The following AKT3 variants were observed in gnomAD, a reference collection of about 807,000 sequenced individuals.
The protein encoded by AKT3 is RAC-gamma serine/threonine-protein kinase.
In AKT3, 15 loss-of-function variants were observed where a neutral mutation model predicts 65.3. The ratio of observed to expected loss-of-function variants is 0.23; its 90% CI spans 0.15 to 0.35. The LOEUF (loss-of-function observed/expected upper bound fraction) is 0.35, where lower values mean the gene tolerates loss of function less well. Ranked by LOEUF, AKT3 falls within the 10% of genes least tolerant of loss-of-function variation. The pLI, the probability that AKT3 is intolerant of heterozygous loss-of-function variation, is 1.00. For missense variants in AKT3, 243 were observed against 576.5 expected (o/e 0.42, Z 5.92); for synonymous variants, 206 against 183.8 (o/e 1.12, Z -0.98).
At chr1:243,632,952 G>T (rs1467371712) in intron 6 of AKT3, among the ~76,000 whole-genome samples, 1 of 152,118 alleles carries the variant, frequency 6.6e-6, no homozygotes, top group Non-Finnish European at 1.5e-5. Flanking sequence ...TGTTGCAGCT[G>T]GTTTGAACTT....
intron 3 of AKT3, 72 bp from the exon 4 acceptor site, chr1:243,664,955 A>T: frequency 1.7e-5 from 14 of 826,710 alleles, no homozygotes; most frequent in Non-Finnish European, 2.3e-5. Context: ...TGAGAACTAC[A>T]GAGTTCTATT....
chr1:243,713,299 A>G (rs1429420591), intron 2 of AKT3, among the ~76,000 whole-genome samples: 1 of 152,176 alleles, frequency 6.6e-6, no homozygotes, highest in Non-Finnish European at 1.5e-5. Context: ...CCATTTAAAG[A>G]AGTTGCTTTC....
intron 5 of AKT3, 77 bp from the exon 6 acceptor site, chr1:243,637,819 C>A: frequency 9.3e-7 from 1 of 1,074,628 alleles, no homozygotes. Flanking sequence ...TATGTGTTTG[C>A]AATATCCACT....
intron 8 of AKT3, among the ~76,000 whole-genome samples, chr1:243,581,766 C>G (rs942821742): frequency 6.6e-6 from 1 of 151,608 alleles, no homozygotes; most frequent in Non-Finnish European, 1.5e-5. Flanking sequence ...TCAGAAATGA[C>G]AGATAAAGAA....
At chr1:243,574,773 T>C (rs769420941) in intron 8 of AKT3, among the ~76,000 whole-genome samples, 15 of 152,262 alleles carry the variant, frequency 9.9e-5, no homozygotes, top group Non-Finnish European at 2.1e-4. Context: ...ATCACTAACT[T>C]TGATGAAAAG....
At chr1:243,759,192 G>A (rs918307568) in intron 2 of AKT3, among the ~76,000 whole-genome samples, 3 of 152,158 alleles carry the variant, frequency 2.0e-5, no homozygotes, top group African/African-American at 4.8e-5. Flanking sequence ...GTGTGCACCA[G>A]TAGTCCCAGA....
At chr1:243,800,429 G>C (rs998452154) in intron 2 of AKT3, among the ~76,000 whole-genome samples, 23 of 152,230 alleles carry the variant, frequency 1.5e-4, no homozygotes, top group Admixed American at 6.5e-5. Flanking sequence ...ATTTAAGGAA[G>C]AGATTATGGG....
At chr1:243,833,738 C>G (rs1021060256) in intron 2 of AKT3, among the ~76,000 whole-genome samples, 5 of 151,418 alleles carry the variant, frequency 3.3e-5, no homozygotes, top group African/African-American at 1.2e-4. Context: ...AAATTAGAAT[C>G]CTATATACAA....
chr1:243,804,782 GC>G (rs1325226862), intron 2 of AKT3, among the ~76,000 whole-genome samples: 1 of 151,748 alleles, frequency 6.6e-6, no homozygotes, highest in Non-Finnish European at 1.5e-5. Context: ...GGGAGGTGGA[GC>G]TTGTAGTGAG....
chr1:243,643,042 T>C (rs1009701044), intron 5 of AKT3, among the ~76,000 whole-genome samples: 4 of 152,230 alleles, frequency 2.6e-5, no homozygotes, highest in Non-Finnish European at 4.4e-5. Context: ...CTCCTGGTGC[T>C]CTTTCTCACG....
chr1:243,750,621 G>A (rs1382305412), intron 2 of AKT3, among the ~76,000 whole-genome samples: 21 of 146,190 alleles, frequency 1.4e-4, no homozygotes, highest in African/African-American at 4.9e-4. Context: ...TCCCTTTGTC[G>A]CCCAGGCTGG....
At chr1:243,816,711 G>A (rs1693546499) in intron 2 of AKT3, among the ~76,000 whole-genome samples, 1 of 151,912 alleles carries the variant, frequency 6.6e-6, no homozygotes, top group Non-Finnish European at 1.5e-5. Flanking sequence ...ATCTGAATCA[G>A]TGAAACAGAA....
At chr1:243,654,067 G>A (rs759223541) in intron 4 of AKT3, among the ~76,000 whole-genome samples, 38 of 151,796 alleles carry the variant, frequency 2.5e-4, no homozygotes, top group Non-Finnish European at 5.3e-4. Context: ...GTCCACTTAT[G>A]TAATATATGC....
At chr1:243,800,758 T>C (rs1692335291) in intron 2 of AKT3, among the ~76,000 whole-genome samples, 1 of 150,946 alleles carries the variant, frequency 6.6e-6, no homozygotes, top group African/African-American at 2.4e-5. Context: ...ATAATCACAC[T>C]GGAGCGACAA....
chr1:243,803,203 G>C (rs953703753), intron 2 of AKT3, among the ~76,000 whole-genome samples: 2 of 152,000 alleles, frequency 1.3e-5, no homozygotes, highest in East Asian at 1.9e-4. Flanking sequence ...TATGAGCCTA[G>C]CACTACTATA....
At chr1:243,604,483 G>C (rs557920351) in intron 8 of AKT3, among the ~76,000 whole-genome samples, 1 of 152,264 alleles carries the variant, frequency 6.6e-6, no homozygotes, top group Middle Eastern at 3.4e-3. Context: ...TTCGGTGGGT[G>C]GGGGAACCTG....
chr1:243,721,314 C>T (rs1686887723), intron 2 of AKT3, among the ~76,000 whole-genome samples: 1 of 152,056 alleles, frequency 6.6e-6, no homozygotes, highest in Non-Finnish European at 1.5e-5. Context: ...AGAGAGAGGC[C>T]AAGAAGAATC....
intron 6 of AKT3, among the ~76,000 whole-genome samples, chr1:243,615,405 T>C (rs1212991746): frequency 1.3e-5 from 2 of 152,134 alleles, no homozygotes; most frequent in Non-Finnish European, 2.9e-5. Context: ...TCAAAGTATA[T>C]CAATAATGAT....
At chr1:243,781,070 T>C (rs776487213) in intron 2 of AKT3, among the ~76,000 whole-genome samples, 26 of 152,084 alleles carry the variant, frequency 1.7e-4, no homozygotes, top group Non-Finnish European at 2.6e-4. Context: ...TCCTACACTC[T>C]TGGTAACTAC....
Sources: gnomAD v4.1 joint callset for allele counts (sites outside exome capture counted in the v4.1 genomes callset) on GRCh38, gnomAD v4.1.1 for gene constraint, MANE v1.5 for transcripts, NCBI Gene and HGNC (gene_info 2026-07-23, HGNC 2026-07-21) for gene names.